The following YWHAQ variants were observed in gnomAD, a reference collection of about 807,000 sequenced individuals.
YWHAQ encodes 14-3-3 protein theta.
In YWHAQ, 6 loss-of-function variants were observed where a neutral mutation model predicts 28.3. The ratio of observed to expected loss-of-function variants is 0.21; its 90% CI spans 0.12 to 0.42. The LOEUF (loss-of-function observed/expected upper bound fraction) is 0.42, where lower values mean the gene tolerates loss of function less well. YWHAQ is among the 10% of genes least tolerant of loss of function. The pLI is 1.00. For missense variants in YWHAQ, 201 were observed against 305.6 expected (o/e 0.66, Z 2.55); for synonymous variants, 143 against 119.1 (o/e 1.20, Z -1.31).
At chr2:9,617,061 C>T (rs957094966) in intron 2 of YWHAQ, among the ~76,000 whole-genome samples, 1 of 151,842 alleles carries the variant, frequency 6.6e-6, no homozygotes. Context: ...CCTGGGTTCA[C>T]GCCATTCTCC....
At chr2:9,603,088 A>C (rs1270954423) in intron 2 of YWHAQ, among the ~76,000 whole-genome samples, 2 of 151,274 alleles carry the variant, frequency 1.3e-5, no homozygotes, top group African/African-American at 4.9e-5. Flanking sequence ...TTTTAATAAA[A>C]CAGTATTTTC....
chr2:9,622,065 T>C (rs763552832), intron 2 of YWHAQ, among the ~76,000 whole-genome samples: 4 of 151,954 alleles, frequency 2.6e-5, no homozygotes, highest in South Asian at 2.1e-4. Flanking sequence ...AGGAATAGCA[T>C]TGGAGAAATA....
intron 2 of YWHAQ, among the ~76,000 whole-genome samples, chr2:9,600,660 G>A (rs758741833): frequency 9.9e-5 from 15 of 152,010 alleles, no homozygotes; most frequent in East Asian, 3.9e-4. Flanking sequence ...AGCCGAGGTC[G>A]CGCCATTGCA....
At chr2:9,611,550 G>A (rs941982317) in intron 2 of YWHAQ, among the ~76,000 whole-genome samples, 1 of 152,002 alleles carries the variant, frequency 6.6e-6, no homozygotes. Flanking sequence ...TAACCCTCCC[G>A]CTCCATCTTT....
Position 9,591,375 on chromosome 2 carries a change from A to G in YWHAQ, c.418+17T>C, listed in dbSNP as rs756536691. On this transcript the variant is annotated intron_variant, in intron 3 of 5. Transcript: ENST00000238081. ...TTTTTTATATTCTACTTTTGCCCAT[A>G]TAACAAATAAACTTACGTTTTCGAT... 1.3e-4 allele frequency: 206 copies of G among 1,603,394 alleles called. 1 individual carries two copies. Among genetic ancestry groups the G allele is most frequent in the Non-Finnish European group, 1.6e-4 (193 of 1,172,406 alleles).
At chr2:9,595,277 A>C (rs1666546829) in intron 2 of YWHAQ, among the ~76,000 whole-genome samples, 1 of 152,240 alleles carries the variant, frequency 6.6e-6, no homozygotes, top group Non-Finnish European at 1.5e-5. Flanking sequence ...CTGTATTATC[A>C]ATACCAAATA....
intron 2 of YWHAQ, among the ~76,000 whole-genome samples, chr2:9,596,841 T>C (rs574100905): frequency 2.0e-5 from 3 of 152,274 alleles, no homozygotes; most frequent in African/African-American, 7.2e-5. Context: ...GTAACTGGGA[T>C]AGGGTTTCAC....
At chr2:9,600,974 T>C (rs1311044141) in intron 2 of YWHAQ, among the ~76,000 whole-genome samples, 1 of 152,228 alleles carries the variant, frequency 6.6e-6, no homozygotes, top group Non-Finnish European at 1.5e-5. Context: ...CTTAACAGAC[T>C]ACAGTATAGT....
intron 2 of YWHAQ, among the ~76,000 whole-genome samples, chr2:9,606,492 T>G (rs539343775): frequency 2.0e-5 from 3 of 152,182 alleles, no homozygotes; most frequent in Non-Finnish European, 4.4e-5. Context: ...ATTAGCATTT[T>G]TCCTTATCAT....
intron 2 of YWHAQ, among the ~76,000 whole-genome samples, chr2:9,620,414 T>C (rs1484892736): frequency 6.6e-6 from 1 of 152,242 alleles, no homozygotes; most frequent in African/African-American, 2.4e-5. Context: ...CAAGTTTCAC[T>C]GATAAATACT....
At chr2:9,621,410 A>G (rs1317492415) in intron 2 of YWHAQ, among the ~76,000 whole-genome samples, 2 of 152,150 alleles carry the variant, frequency 1.3e-5, no homozygotes, top group African/African-American at 2.4e-5. Context: ...ATATGTATTA[A>G]AGACACTCAA....
At chr2:9,600,305 T>A (rs935951188) in intron 2 of YWHAQ, among the ~76,000 whole-genome samples, 1 of 152,214 alleles carries the variant, frequency 6.6e-6, no homozygotes, top group Non-Finnish European at 1.5e-5. Context: ...AAACACTGCA[T>A]AAACTTAGTT....
chr2:9,594,905 G>T (rs1452111095), intron 2 of YWHAQ, among the ~76,000 whole-genome samples: 1 of 152,112 alleles, frequency 6.6e-6, no homozygotes, highest in African/African-American at 2.4e-5. Flanking sequence ...GTGGACAAAG[G>T]GCCTTCCAAG....
At chr2:9,596,114 T>G (rs115274575) in intron 2 of YWHAQ, among the ~76,000 whole-genome samples, 1 of 152,094 alleles carries the variant, frequency 6.6e-6, no homozygotes, top group African/African-American at 2.4e-5. Flanking sequence ...ATGGGAACAA[T>G]AGACTATAAC....
intron 5 of YWHAQ, among the ~76,000 whole-genome samples, chr2:9,585,714 G>A (rs1184969567): frequency 6.6e-6 from 1 of 152,030 alleles, no homozygotes; most frequent in African/African-American, 2.4e-5. Context: ...TCAACAGCCT[G>A]GACAACATAG....
chr2:9,624,565 CATG>C (rs903923207), intron 2 of YWHAQ, among the ~76,000 whole-genome samples: 6 of 152,016 alleles, frequency 3.9e-5, no homozygotes, highest in Non-Finnish European at 7.4e-5. Flanking sequence ...CTGTGCACCG[CATG>C]ATGTTTAGTA....
At chr2:9,615,813 A>G (rs1667030024) in intron 2 of YWHAQ, among the ~76,000 whole-genome samples, 1 of 152,192 alleles carries the variant, frequency 6.6e-6, no homozygotes, top group Non-Finnish European at 1.5e-5. Flanking sequence ...AGGAGAACTC[A>G]AAGAACACGA....
intron 2 of YWHAQ, among the ~76,000 whole-genome samples, chr2:9,613,449 A>T (rs1481106023): frequency 1.3e-5 from 2 of 152,254 alleles, no homozygotes; most frequent in African/African-American, 2.4e-5. Context: ...TAGTGAAAGC[A>T]AATACAAGCC....
In YWHAQ at chr2:9,616,953, C is replaced by CTTTGT. The variant is rs375100179; in HGVS notation, c.294+13201_294+13205dup. 1.4e-3 allele frequency among the ~76,000 whole-genome samples: 217 copies of CTTTGT among 152,154 alleles called. 1 individual carries two copies. The highest frequency in any genetic ancestry group is 5.0e-3 in the African/African-American group (206 of 41,530). ...GACAAAAGATTTTTAAAAAGTAGTA[C>CTTTGT]TTTGTTTTGTTTTGTTTTGTATTTG... is the stretch of plus-strand genomic sequence containing the variant. On this transcript the variant is annotated intron_variant, in intron 2 of 5. Transcript: ENST00000238081.
Sources: gnomAD v4.1 joint callset for allele counts (sites outside exome capture counted in the v4.1 genomes callset) on GRCh38, gnomAD v4.1.1 for gene constraint, MANE v1.5 for transcripts, NCBI Gene and HGNC (gene_info 2026-07-23, HGNC 2026-07-21) for gene names.